The following OSBPL9 variants were observed in gnomAD, a reference collection of about 807,000 sequenced individuals.
OSBPL9 encodes the protein oxysterol binding protein like 9.
OSBPL9 carries 40 observed loss-of-function variants against 106.6 expected under a neutral mutation model. That is an observed-to-expected ratio of 0.38 (90% CI 0.29 to 0.49). The LOEUF is 0.49. OSBPL9 is among the 20% of genes least tolerant of loss of function. The pLI, the probability that OSBPL9 is intolerant of heterozygous loss-of-function variation, is 0.97. For missense variants in OSBPL9, 609 were observed against 887.2 expected (o/e 0.69, Z 3.98); for synonymous variants, 269 against 295.4 (o/e 0.91, Z 0.92).
chr1:51,524,258 G>A, the OSBPL9 span, among the ~76,000 whole-genome samples: 1 of 152,210 alleles, frequency 6.6e-6, no homozygotes, highest in African/African-American at 2.4e-5. Flanking sequence ...TACACACGCA[G>A]GGTGTGATAG....
intron 1 of OSBPL9, among the ~76,000 whole-genome samples, chr1:51,633,982 A>G (rs1228810529): frequency 6.6e-6 from 1 of 152,216 alleles, no homozygotes; most frequent in Non-Finnish European, 1.5e-5. Flanking sequence ...CCCAACCTCC[A>G]GATTTGAACA....
upstream of OSBPL9, chr1:51,616,904 G>GT (rs1644071647): frequency 1.3e-6 from 1 of 788,830 alleles, no homozygotes; most frequent in East Asian, 2.9e-5. Context: ...CAGTATTCAC[G>GT]TTTGCATTCT....
intron 2 of OSBPL9, among the ~76,000 whole-genome samples, chr1:51,664,569 G>A (rs1647967761): frequency 6.6e-6 from 1 of 152,108 alleles, no homozygotes; most frequent in African/African-American, 2.4e-5. Context: ...ATGCATGCCT[G>A]TAATCCCAGT....
Position 51,626,673 on chromosome 1 carries a change from C to T in OSBPL9, c.111+9452C>T, listed in dbSNP as rs910028815. On this transcript the variant is annotated intron_variant, in intron 1 of 23. Transcript: ENST00000428468. ...TTGCAGGCATGTGCCACCACACGAG[C>T]TAATTTTTGTTTTGCTTTTTTTTTT... Among the ~76,000 whole-genome samples, 6 of 151,840 alleles carry T rather than the reference C, an allele frequency of 4.0e-5. No individual in the cohort carries two copies. In the South Asian group the frequency reaches 1.0e-3, roughly 26 times the overall value.
chr1:51,770,442 C>T (rs1414335321), intron 12 of OSBPL9, among the ~76,000 whole-genome samples: 1 of 151,974 alleles, frequency 6.6e-6, no homozygotes, highest in Non-Finnish European at 1.5e-5. Context: ...CATGCCCAGC[C>T]TAATTTTTTA....
intron 1 of OSBPL9, among the ~76,000 whole-genome samples, chr1:51,641,884 G>A (rs35272385): frequency 1.0e-3 from 153 of 152,260 alleles, no homozygotes; most frequent in Admixed American, 2.6e-3. Context: ...GGTGTTTGCT[G>A]CCTAGATCTA....
chr1:51,550,500 TTTTTATTTTA>T, the OSBPL9 span, among the ~76,000 whole-genome samples: 1 of 152,050 alleles, frequency 6.6e-6, no homozygotes, highest in African/African-American at 2.4e-5. Flanking sequence ...AATACATACG[TTTTTATTTTA>T]TTTTATTTTA....
intron 1 of OSBPL9, among the ~76,000 whole-genome samples, chr1:51,595,425 G>A (rs757449643): frequency 6.6e-6 from 1 of 152,034 alleles, no homozygotes; most frequent in African/African-American, 2.4e-5. Context: ...AAGAAACCAC[G>A]ATGATATCTG....
At chr1:51,685,122 G>T (rs1557687030) in intron 3 of OSBPL9, among the ~76,000 whole-genome samples, 1 of 151,958 alleles carries the variant, frequency 6.6e-6, no homozygotes, top group Non-Finnish European at 1.5e-5. Context: ...TTTTTCTAAA[G>T]AAATATTTGA....
chr1:51,723,666 C>G (rs1475574723), intron 4 of OSBPL9, among the ~76,000 whole-genome samples: 1 of 152,100 alleles, frequency 6.6e-6, no homozygotes, highest in Admixed American at 6.5e-5. Context: ...CCTGCGTTAG[C>G]CTCCTGAGTA....
rs376792401 is a variant in OSBPL9, at chr1:51,620,787, T to C, written c.111+3566T>C. Reference sequence around the variant, plus strand: ...CTTTATCCCCAGGGCAGTGGAGAGCTATTTCAGTGTTGTAAGCACTTTTTA... The same window carrying C: ...CTTTATCCCCAGGGCAGTGGAGAGCCATTTCAGTGTTGTAAGCACTTTTTA... On this transcript the variant is annotated intron_variant, in intron 1 of 23. Coordinates refer to ENST00000428468, the MANE Select transcript of OSBPL9 (RefSeq NM_024586.6). 2.7e-4 allele frequency among the ~76,000 whole-genome samples: 41 copies of C among 152,346 alleles called. No homozygotes were observed. The East Asian group carries it at 4.0e-3, about 15-fold the overall frequency.
At chr1:51,758,150 A>G (rs1670729878) in intron 9 of OSBPL9, among the ~76,000 whole-genome samples, 1 of 152,142 alleles carries the variant, frequency 6.6e-6, no homozygotes, top group Non-Finnish European at 1.5e-5. Flanking sequence ...AGTACTTTTA[A>G]TATACATGTT....
At chr1:51,632,427 G>A (rs1367749276) in intron 1 of OSBPL9, among the ~76,000 whole-genome samples, 2 of 152,052 alleles carry the variant, frequency 1.3e-5, no homozygotes, top group Non-Finnish European at 2.9e-5. Context: ...TTTCTATGTG[G>A]GTGATCAAGG....
the OSBPL9 span, among the ~76,000 whole-genome samples, chr1:51,523,236 T>C: frequency 2.0e-5 from 3 of 152,166 alleles, no homozygotes; most frequent in African/African-American, 7.2e-5. Flanking sequence ...TGAATACTAA[T>C]AACCAACAAT....
chr1:51,759,394 G>A (rs967770377), intron 9 of OSBPL9: 2 of 151,986 alleles, frequency 1.3e-5, no homozygotes, highest in East Asian at 3.9e-4. Flanking sequence ...TAGATATTAC[G>A]TGAGAATGCT....
chr1:51,527,363 A>T, the OSBPL9 span, among the ~76,000 whole-genome samples: 2 of 151,456 alleles, frequency 1.3e-5, no homozygotes. Flanking sequence ...GATGATGATG[A>T]TGATGATGGT....
At chr1:51,609,054 C>T (rs1643967978) in intron 2 of OSBPL9, among the ~76,000 whole-genome samples, 1 of 152,098 alleles carries the variant, frequency 6.6e-6, no homozygotes, top group African/African-American at 2.4e-5. Flanking sequence ...CCCCTTCCCC[C>T]TTCCTATCTG....
intron 2 of OSBPL9, among the ~76,000 whole-genome samples, chr1:51,660,023 C>A (rs1468492460): frequency 6.6e-6 from 1 of 151,892 alleles, no homozygotes; most frequent in Non-Finnish European, 1.5e-5. Context: ...AAAACAGAAC[C>A]ATTTGGATTT....
At chr1:51,556,375 G>A in the OSBPL9 span, among the ~76,000 whole-genome samples, 1 of 152,094 alleles carries the variant, frequency 6.6e-6, no homozygotes, top group East Asian at 1.9e-4. Flanking sequence ...AAAGTCTGTA[G>A]CATGAGTAAT....
Sources: allele counts gnomAD v4.1 joint callset (sites outside exome capture counted in the v4.1 genomes callset), GRCh38; gene constraint gnomAD v4.1.1; transcripts MANE v1.5; gene names NCBI Gene and HGNC (gene_info 2026-07-23, HGNC 2026-07-21).